The following NR1I3 variants were observed in gnomAD, a reference collection of about 807,000 sequenced individuals.
The protein encoded by NR1I3 is constitutive activator of retinoid response.
In NR1I3, 30 loss-of-function variants were observed where a neutral mutation model predicts 38.4. The observed-to-expected ratio is 0.78, with a 90% confidence interval of 0.58 to 1.06. The LOEUF (loss-of-function observed/expected upper bound fraction) is 1.06, where lower values mean the gene tolerates loss of function less well. Among genes scored for constraint, NR1I3 ranks in the 50% least tolerant of loss-of-function variants. NR1I3 has a pLI of 0.00. For synonymous variants in NR1I3, 143 were observed against 165.1 expected (o/e 0.87, Z 1.03); for missense variants, 388 against 435.7 (o/e 0.89, Z 0.97).
intron 3 of NR1I3, 124 bp downstream of exon 3, chr1:161,235,723 A>AC (rs1668485010): frequency 8.2e-7 from 1 of 1,225,858 alleles, no homozygotes; most frequent in South Asian, 1.4e-5. Context: ...TTGAGTGAAT[A>AC]GTGACATAAT....
rs1367179000 is a variant in NR1I3, at chr1:161,233,309, G to C, written c.268C>G (p.Arg90Gly). The change falls in exon 4 of 9, where the codon CGG becomes GGG. Residue 90 changes from arginine (R) to glycine (G), a missense_variant. Physicochemically the swap from Arg to Gly is moderately radical, Grantham distance 125. Transcript: ENST00000367983. ...CGCCGCTGGGCCTGCTTTGCTCGCC[G>C]CAATGCCAGGGCTTCTGCCGACAGT... is the stretch of plus-strand genomic sequence containing the variant. ...MILSAEALAL[R>G]RAKQAQRRAQ... 1.2e-6 allele frequency: 2 copies of C among 1,613,884 alleles called. No individual in the cohort carries two copies. Among genetic ancestry groups the C allele is most frequent in the African/African-American group, 2.7e-5 (2 of 74,922 alleles).
At chr1:161,233,843 G>A (rs1185232474) in intron 3 of NR1I3, among the ~76,000 whole-genome samples, 14 of 38,508 alleles carry the variant, frequency 3.6e-4, no homozygotes, top group East Asian at 2.8e-3. Flanking sequence ...ATATATGTGT[G>A]TGTGTGTGTG....
At chr1:161,232,740 C>T in intron 5 of NR1I3, 67 bp downstream of exon 5, 1 of 1,514,586 alleles carries the variant, frequency 6.6e-7, no homozygotes, top group Non-Finnish European at 9.2e-7. Flanking sequence ...TAGTCAGTGA[C>T]TTTTCGGGGT....
chr1:161,236,392 G>C (rs1490228803), intron 2 of NR1I3, 67 bp downstream of exon 2: 4 of 1,582,798 alleles, frequency 2.5e-6, no homozygotes, highest in East Asian at 2.2e-5. Context: ...CACCAGCGAG[G>C]GTGTAAAGGC....
Position 161,233,891 on chromosome 1 carries a change from A to ATG in NR1I3, c.239-555_239-554dup, listed in dbSNP as rs1491458700. 3.8e-3 allele frequency among the ~76,000 whole-genome samples: 378 copies of ATG among 98,580 alleles called. 1 individual carries two copies. Among genetic ancestry groups the ATG allele is most frequent in the Admixed American group, 4.2e-3 (42 of 9,884 alleles). The allele number at this position is 98,580 out of a possible 152,430, so 64.7% of individuals were successfully genotyped here. A position where few individuals can be genotyped will look rare whatever the true frequency, so the allele number is the denominator to read the frequency against. ...TGTGTGTGTGTGTGTGTGTGTGTAT[A>ATG]TGTGTGTGTATATATATGTGTATAT... On this transcript the variant is annotated intron_variant, in intron 3 of 8. Coordinates refer to ENST00000367983, the MANE Select transcript of NR1I3 (RefSeq NM_005122.5).
At chr1:161,235,135 T>G (rs1571737557) in intron 3 of NR1I3, 1 of 151,790 alleles carries the variant, frequency 6.6e-6, no homozygotes, top group Non-Finnish European at 1.5e-5. Context: ...AGTATGAGAC[T>G]CTATCAAAAA....
intron 5 of NR1I3, among the ~76,000 whole-genome samples, chr1:161,232,009 A>T (rs1398597413): frequency 6.6e-6 from 1 of 151,282 alleles, no homozygotes; most frequent in East Asian, 2.0e-4. Flanking sequence ...TATTTTTGAG[A>T]CAGAGTGTTG....
At chr1:161,231,025 AG>A (rs1469519224) in intron 7 of NR1I3, 91 bp downstream of exon 7, 2 of 1,613,046 alleles carry the variant, frequency 1.2e-6, no homozygotes, top group Non-Finnish European at 1.7e-6. Flanking sequence ...TTTGATAGCT[AG>A]GCTAGAAGGC....
chr1:161,230,824 C>A lies in NR1I3; in HGVS notation c.906G>T (p.Arg302Ser), dbSNP rs1571680625. Residue 302 changes from arginine to serine, a missense_variant, in exon 8 of 9, where the codon AGG (arginine) becomes AGT (serine). Transcript: ENST00000367983. ...LQSYIKGQQR[R>S]PRDRFLYAKL... ...GTGTCCCACCGTACCGATCCCGGGG[C>A]CTTCGCTGCTGGCCCTTGATGTAGC... is the stretch of plus-strand genomic sequence containing the variant. The A allele has an allele frequency of 1.9e-6, 3 of 1,614,048 alleles. No individual in the cohort carries two copies. The highest frequency in any genetic ancestry group is 1.7e-5 in the Admixed American group (1 of 60,004).
rs773790885 is a variant in NR1I3 at position 161,235,837 on chromosome 1, GC to G, written c.238+9del. 3 of 1,613,940 alleles carry G rather than the reference GC, an allele frequency of 1.9e-6. No homozygotes were observed. Among genetic ancestry groups the G allele is most frequent in the Non-Finnish European group, 2.5e-6 (3 of 1,179,896 alleles). On this transcript the variant is annotated intron_variant, in intron 3 of 8. Coordinates refer to ENST00000367983, the MANE Select transcript of NR1I3 (RefSeq NM_005122.5). ...TCAATGGATTCTTGAGATGTAGGGG[GC>G]CAACTCACTGTCTTTCCTCATGCCA...
Position 161,231,351 on chromosome 1 carries a change from G to T in NR1I3, c.672C>A (p.Tyr224Ter). The change falls in exon 6 of 9, where the codon TAC (tyrosine) becomes TAA (stop). Residue 224 changes from tyrosine (Y) to a stop codon, truncating the protein, a stop_gained. Transcript: ENST00000367983. LOFTEE classifies it high-confidence loss of function. ...TQNFLCGPLR[Y>*]TIEDGARVGF... The stretch of plus-strand genomic sequence containing the variant: ...CACCACGGGCTCCATCTTCAATTGT[G>T]TAGCGAAGAGGCCCGCAGAGGAAGT... 6.4e-7 allele frequency: 1 copy of T among 1,572,988 alleles called. No individual in the cohort carries two copies. The highest frequency in any genetic ancestry group is 2.2e-5 in the East Asian group (1 of 44,516).
intron 8 of NR1I3, 78 bp from the exon 9 acceptor site, chr1:161,230,004 T>TC (rs1171611683): frequency 5.9e-6 from 9 of 1,531,450 alleles, no homozygotes; most frequent in African/African-American, 1.4e-5. Flanking sequence ...TAGGCCCTGA[T>TC]CCCCTGAACT....
chr1:161,234,565 ACTT>A (rs1418657474), intron 3 of NR1I3, among the ~76,000 whole-genome samples: 6 of 151,698 alleles, frequency 4.0e-5, no homozygotes, highest in East Asian at 2.0e-4. Flanking sequence ...TGACTGTACA[ACTT>A]CTTCTTCCTT....
At chr1:161,234,323 G>A (rs1668135872) in intron 3 of NR1I3, among the ~76,000 whole-genome samples, 1 of 152,042 alleles carries the variant, frequency 6.6e-6, no homozygotes, top group Non-Finnish European at 1.5e-5. Context: ...TTTTAGAAAT[G>A]TGGACAGGCT....
chr1:161,236,279 T>G, intron 2 of NR1I3, 180 bp downstream of exon 2: 2 of 735,202 alleles, frequency 2.7e-6, no homozygotes, highest in Non-Finnish European at 4.4e-6. Context: ...CCCTCTGTTA[T>G]GCCACCAGTT....
intron 5 of NR1I3, among the ~76,000 whole-genome samples, chr1:161,232,382 C>T (rs1327147003): frequency 6.6e-6 from 1 of 152,162 alleles, no homozygotes; most frequent in Non-Finnish European, 1.5e-5. Flanking sequence ...ACTGCAGCCT[C>T]AACCTCCTGG....
At chr1:161,236,894 T>A (rs1668699631) in intron 1 of NR1I3, among the ~76,000 whole-genome samples, 1 of 149,120 alleles carries the variant, frequency 6.7e-6, no homozygotes, top group African/African-American at 2.5e-5. Context: ...GTCCAGCTAA[T>A]TTTTGTTTAT....
intron 8 of NR1I3, chr1:161,230,230 C>A: frequency 2.5e-6 from 1 of 402,610 alleles, no homozygotes; most frequent in Non-Finnish European, 4.5e-6. Context: ...AGGGCCTGGC[C>A]TTCTAGAGCA....
At chr1:161,237,981 G>C in intron 1 of NR1I3, 60 bp downstream of exon 1, 1 of 1,508,656 alleles carries the variant, frequency 6.6e-7, no homozygotes, top group East Asian at 2.3e-5. Context: ...ACTATGCCTA[G>C]CCCCCAGCAT....
Sources: allele counts gnomAD v4.1 joint callset (sites outside exome capture counted in the v4.1 genomes callset), GRCh38; gene constraint gnomAD v4.1.1; transcripts MANE v1.5; gene names NCBI Gene and HGNC (gene_info 2026-07-23, HGNC 2026-07-21).